The following NOSTRIN variants were observed in gnomAD, a reference collection of about 807,000 sequenced individuals.
NOSTRIN encodes nitric oxide synthase trafficking.
NOSTRIN carries 63 observed loss-of-function variants against 59.0 expected under a neutral mutation model. The ratio of observed to expected loss-of-function variants is 1.07; its 90% CI spans 0.87 to 1.32. The LOEUF (loss-of-function observed/expected upper bound fraction) is 1.32. Among genes scored for constraint, NOSTRIN ranks in the 40% most tolerant of loss-of-function variants. NOSTRIN has a pLI of 0.00. For synonymous variants in NOSTRIN, 200 were observed against 165.4 expected (o/e 1.21, Z -1.61); for missense variants, 512 against 473.1 (o/e 1.08, Z -0.76).
chr2:168,803,012 A>G (rs1685671640), intron 1 of NOSTRIN, among the ~76,000 whole-genome samples: 2 of 152,210 alleles, frequency 1.3e-5, no homozygotes, highest in Admixed American at 6.5e-5. Flanking sequence ...TGGTGTGGAT[A>G]CAAAAACACA....
chr2:168,802,391 C>A (rs987807689), upstream of NOSTRIN: 1 of 464,182 alleles, frequency 2.2e-6, no homozygotes, highest in African/African-American at 2.0e-5. Flanking sequence ...GACTCAGGAT[C>A]CTGCCCTCTG....
rs1378434414 is a variant in NOSTRIN at position 168,860,847 on chromosome 2, T to C, written c.1232T>C (p.Leu411Ser). The C allele has an allele frequency of 2.5e-6, 4 of 1,613,948 alleles. No homozygotes were observed. In the South Asian group the frequency reaches 4.4e-5, roughly 18 times the overall value. Reference protein sequence around the residue: ...KISRPFLMKRLENIVSKASSG... With the variant: ...KISRPFLMKRSENIVSKASSG... ...TCTCGGCCTTTTTTAATGAAGAGAT[T>C]AGAGAATATTGTGAGCAAGGCATCT... The change falls in exon 14 of 16, where the codon TTA becomes TCA. Residue 411 changes from leucine to serine, a missense_variant. Coordinates refer to ENST00000317647, the MANE Select transcript of NOSTRIN (RefSeq NM_001039724.4).
At chr2:168,792,960 T>C (rs1015503034) in intron 2 of NOSTRIN, among the ~76,000 whole-genome samples, 17 of 152,192 alleles carry the variant, frequency 1.1e-4, no homozygotes, top group Non-Finnish European at 1.8e-4. Context: ...GTTAGCATAC[T>C]AATTTGTAGT....
rs58341006 is a variant in NOSTRIN at position 168,839,884 on chromosome 2, C to CAAAAAAAAAA, written c.505-3100_505-3091dup. On this transcript the variant is annotated intron_variant, in intron 7 of 15. Transcript: ENST00000317647. ...CTGGCCGACCAGAGAGACTCCGTCT[C>CAAAAAAAAAA]AAAAAAAAAAAAAAAAATATATATA... Among the ~76,000 whole-genome samples the CAAAAAAAAAA allele has an allele frequency of 3.6e-3, 113 of 31,104 alleles. 6 individuals carry two copies. Among genetic ancestry groups the CAAAAAAAAAA allele is most frequent in the African/African-American group, 0.027 (93 of 3,506 alleles). 20.4% of individuals were successfully genotyped at this position (31,104 alleles called of 152,430 possible). A position where few individuals can be genotyped will look rare whatever the true frequency, so the allele number is the denominator to read the frequency against.
At chr2:168,795,975 T>C (rs1380950188), upstream of NOSTRIN, among the ~76,000 whole-genome samples, 1 of 152,238 alleles carries the variant, frequency 6.6e-6, no homozygotes, top group East Asian at 1.9e-4. Context: ...TTTTAAAATA[T>C]GTGCATTAAG....
upstream of NOSTRIN, among the ~76,000 whole-genome samples, chr2:168,795,145 A>C (rs928627402): frequency 6.0e-5 from 9 of 150,182 alleles, no homozygotes; most frequent in East Asian, 6.1e-4. Context: ...TAAAGTGTAG[A>C]GGGGACCAAG....
intron 7 of NOSTRIN, among the ~76,000 whole-genome samples, chr2:168,835,074 G>C (rs1484976765): frequency 6.6e-6 from 1 of 151,822 alleles, no homozygotes; most frequent in Non-Finnish European, 1.5e-5. Flanking sequence ...TAGTCTTCTT[G>C]ATAATTTTTT....
At chr2:168,797,659 A>G (rs1271303524), upstream of NOSTRIN, among the ~76,000 whole-genome samples, 13 of 144,220 alleles carry the variant, frequency 9.0e-5, no homozygotes, top group Non-Finnish European at 1.4e-4. Flanking sequence ...TAAAGTTAGC[A>G]TAAGTGTTAA....
intron 8 of NOSTRIN, among the ~76,000 whole-genome samples, chr2:168,844,796 G>A (rs545423681): frequency 2.8e-4 from 43 of 152,044 alleles, no homozygotes; most frequent in African/African-American, 1.0e-3. Flanking sequence ...CGTGAACCCG[G>A]GAGGCAGAGC....
At chr2:168,835,668 C>T (rs1687676266) in intron 7 of NOSTRIN, among the ~76,000 whole-genome samples, 1 of 152,162 alleles carries the variant, frequency 6.6e-6, no homozygotes, top group South Asian at 2.1e-4. Flanking sequence ...GGCCACATGT[C>T]CCAGATGCTG....
chr2:168,787,549 C>G (rs1055824122), intron 1 of NOSTRIN, among the ~76,000 whole-genome samples: 2 of 152,196 alleles, frequency 1.3e-5, no homozygotes. Context: ...ACTTATCACA[C>G]GGCCTTCCCC....
chr2:168,796,739 T>G (rs1685487990), upstream of NOSTRIN, among the ~76,000 whole-genome samples: 1 of 152,146 alleles, frequency 6.6e-6, no homozygotes, highest in Non-Finnish European at 1.5e-5. Context: ...TCAAGGCCAT[T>G]TTAATCAGTG....
In NOSTRIN at chr2:168,821,933, G is replaced by C. The variant is rs561658244; in HGVS notation, c.114-2701G>C. The stretch of plus-strand genomic sequence containing the variant: ...CAGACATTGAACCCCTAGTAGACTT[G>C]GGCTCTCAACACATTTTAATTTTCA... On this transcript the variant is annotated intron_variant, in intron 2 of 15. Coordinates refer to ENST00000317647, the MANE Select transcript of NOSTRIN (RefSeq NM_001039724.4). 6.6e-5 allele frequency among the ~76,000 whole-genome samples: 10 copies of C among 152,286 alleles called. No individual in the cohort carries two copies. In the South Asian group the frequency reaches 2.1e-3, roughly 32 times the overall value.
intron 2 of NOSTRIN, among the ~76,000 whole-genome samples, chr2:168,791,635 A>G (rs1488859822): frequency 6.6e-6 from 1 of 152,206 alleles, no homozygotes; most frequent in Non-Finnish European, 1.5e-5. Flanking sequence ...CTATTTCTCC[A>G]CATCCTCTCC....
chr2:168,806,799 C>T (rs933748824), intron 1 of NOSTRIN, among the ~76,000 whole-genome samples: 5 of 152,204 alleles, frequency 3.3e-5, no homozygotes, highest in African/African-American at 1.2e-4. Flanking sequence ...TTTAAAAGCT[C>T]AATGGGTAGG....
At position 168,862,964 on chromosome 2, in the gene NOSTRIN, T is replaced by C. The variant is rs552852714; in HGVS notation, c.1384+915T>C. On this transcript the variant is annotated intron_variant, in intron 15 of 15. Coordinates refer to ENST00000317647, the MANE Select transcript of NOSTRIN (RefSeq NM_001039724.4). ...CACACATTTGCTATTTATTGGGTGT[T>C]TCCTTTGCAGCATTTGCCAGTCATA... 5.0e-4 allele frequency among the ~76,000 whole-genome samples: 76 copies of C among 152,316 alleles called. No homozygotes were observed. The South Asian group carries it at 0.011, about 23-fold the overall frequency.
chr2:168,812,799 G>A (rs186639299), intron 2 of NOSTRIN, among the ~76,000 whole-genome samples: 2 of 152,158 alleles, frequency 1.3e-5, no homozygotes, highest in Non-Finnish European at 2.9e-5. Context: ...GCAGAGAGAG[G>A]GGCAGAGTGT....
chr2:168,797,313 T>G (rs1236513908), upstream of NOSTRIN, among the ~76,000 whole-genome samples: 2 of 152,004 alleles, frequency 1.3e-5, no homozygotes, highest in Non-Finnish European at 2.9e-5. Context: ...CCCAGGCTGG[T>G]CTTGAACTCC....
At chr2:168,847,934 C>T (rs1405425707) in intron 8 of NOSTRIN, among the ~76,000 whole-genome samples, 1 of 152,166 alleles carries the variant, frequency 6.6e-6, no homozygotes, top group Non-Finnish European at 1.5e-5. Context: ...TACCATGTCA[C>T]TAAGGAACAC....
Sources: allele counts gnomAD v4.1 joint callset (sites outside exome capture counted in the v4.1 genomes callset), GRCh38; gene constraint gnomAD v4.1.1; transcripts MANE v1.5; gene names NCBI Gene and HGNC (gene_info 2026-07-23, HGNC 2026-07-21).